Variants in SCAPER observed in about 807,000 individuals in gnomAD.
SCAPER encodes S phase cyclin A-associated protein in the endoplasmic reticulum.
In SCAPER, 98 loss-of-function variants were observed where a neutral mutation model predicts 182.2. The ratio of observed to expected loss-of-function variants is 0.54; its 90% CI spans 0.46 to 0.64. The LOEUF is 0.64. Ranked by LOEUF, SCAPER falls within the 30% of genes least tolerant of loss-of-function variation. The pLI, the probability that SCAPER is intolerant of heterozygous loss-of-function variation, is 0.00. For synonymous variants in SCAPER, 605 were observed against 564.6 expected, an observed-to-expected ratio of 1.07 and a Z score of -1.01; for missense variants, 1,432 against 1,690.0, an observed-to-expected ratio of 0.85 and a Z score of 2.68.
rs148624942 is a variant in SCAPER, at chr15:76,646,517, A to G, written c.2645+19136T>C. On this transcript the variant is annotated intron_variant, in intron 21 of 31. Coordinates refer to ENST00000563290, the MANE Select transcript of SCAPER (RefSeq NM_020843.4). The stretch of plus-strand genomic sequence containing the variant: ...CTACCTCTACACAAACTGCAGCTCA[A>G]TGGCAATATATTACACAAATCTAGT... 4.6e-5 allele frequency among the ~76,000 whole-genome samples: 7 copies of G among 152,260 alleles called. No homozygotes were observed. In the East Asian group the frequency reaches 1.4e-3, roughly 29 times the overall value.
chr15:76,529,354 G>T (rs1027953266), intron 23 of SCAPER, among the ~76,000 whole-genome samples: 2 of 152,154 alleles, frequency 1.3e-5, no homozygotes, highest in African/African-American at 4.8e-5. Context: ...CCAGAACTTT[G>T]TATTTAACTT....
At chr15:76,386,266 G>A (rs2043281260) in intron 27 of SCAPER, among the ~76,000 whole-genome samples, 2 of 152,194 alleles carry the variant, frequency 1.3e-5, no homozygotes, top group South Asian at 4.1e-4. Context: ...CTTAAGCCAA[G>A]CAAGGTAATA....
At chr15:76,784,924 A>T (rs1212498500) in intron 8 of SCAPER, among the ~76,000 whole-genome samples, 1 of 152,210 alleles carries the variant, frequency 6.6e-6, no homozygotes, top group Non-Finnish European at 1.5e-5. Flanking sequence ...AACCATAAAA[A>T]CTCTAGAAGA....
chr15:76,541,751 T>A (rs1194922964), intron 23 of SCAPER, among the ~76,000 whole-genome samples: 9 of 152,198 alleles, frequency 5.9e-5, no homozygotes, highest in Admixed American at 5.9e-4. Flanking sequence ...AATACTCCAA[T>A]GAGGGCTTGC....
At chr15:76,769,468 G>C (rs1452683307) in intron 10 of SCAPER, among the ~76,000 whole-genome samples, 11 of 147,128 alleles carry the variant, frequency 7.5e-5, no homozygotes, top group African/African-American at 2.7e-4. Flanking sequence ...AAAAAAGAGA[G>C]TGAAAGAAAA....
chr15:76,643,729 C>T (rs905192166), intron 21 of SCAPER, among the ~76,000 whole-genome samples: 2 of 152,108 alleles, frequency 1.3e-5, no homozygotes, highest in East Asian at 3.8e-4. Flanking sequence ...CTAAGCTATC[C>T]TCATTTGTAA....
intron 17 of SCAPER, among the ~76,000 whole-genome samples, chr15:76,713,323 T>C (rs1374268186): frequency 3.3e-5 from 5 of 152,002 alleles, no homozygotes; most frequent in Non-Finnish European, 7.4e-5. Context: ...TAAAGACACA[T>C]GCACACATAT....
intron 23 of SCAPER, among the ~76,000 whole-genome samples, chr15:76,510,184 A>G (rs2041909043): frequency 6.6e-6 from 1 of 152,222 alleles, no homozygotes; most frequent in African/African-American, 2.4e-5. Context: ...TTCATGACCA[A>G]GAACCCAAAA....
chr15:76,885,967 A>T (rs976476459), intron 1 of SCAPER, among the ~76,000 whole-genome samples: 1 of 152,222 alleles, frequency 6.6e-6, no homozygotes. Flanking sequence ...TAAACATATA[A>T]GTGCAGGTAT....
At position 76,363,387 on chromosome 15, in the gene SCAPER, T is replaced by C. The variant is rs759978796; in HGVS notation, c.3856-9247A>G. On this transcript the variant is annotated intron_variant, in intron 29 of 31. Coordinates refer to ENST00000563290, the MANE Select transcript of SCAPER (RefSeq NM_020843.4). ...GGACTCAGATAACACCATCTTTCTA[T>C]GTGTGAGAACAGTTAGCTGAGTATT... Among the ~76,000 whole-genome samples, 15 of 152,304 alleles carry C rather than the reference T, an allele frequency of 9.8e-5. No individual in the cohort carries two copies. In the Middle Eastern group the frequency reaches 0.014, roughly 138 times the overall value.
chr15:76,714,392 C>T lies in SCAPER; in HGVS notation c.2166-8408G>A, dbSNP rs75736080. Among the ~76,000 whole-genome samples, 803 of 152,224 alleles carry T rather than the reference C, an allele frequency of 5.3e-3. 6 individuals carry two copies. Among genetic ancestry groups the T allele is most frequent in the African/African-American group, 0.019 (776 of 41,544 alleles). ...AGCAAGGTTGTGGAGCATCTGAATA[C>T]AGAAACCATTACATTACTAAACAAT... On this transcript the variant is annotated intron_variant, in intron 17 of 31. Coordinates refer to ENST00000563290, the MANE Select transcript of SCAPER (RefSeq NM_020843.4).
At chr15:76,366,317 G>T (rs1440196968) in intron 29 of SCAPER, among the ~76,000 whole-genome samples, 1 of 152,156 alleles carries the variant, frequency 6.6e-6, no homozygotes, top group African/African-American at 2.4e-5. Flanking sequence ...GAACAGGAGG[G>T]TTAATAAATG....
rs1410811987 is a variant in SCAPER at position 76,652,495 on chromosome 15, A to G, written c.2645+13158T>C. On this transcript the variant is annotated intron_variant, in intron 21 of 31. Coordinates refer to ENST00000563290, the MANE Select transcript of SCAPER (RefSeq NM_020843.4). ...GGTGAACCCCGTGTCTTTGCTAAAT[A>G]TATATATATATATTTACATACATAC... Among the ~76,000 whole-genome samples the G allele has an allele frequency of 6.4e-5, 7 of 110,026 alleles. No individual in the cohort carries two copies. In the South Asian group the frequency reaches 1.9e-3, roughly 30 times the overall value. The allele number at this position is 110,026 out of a possible 152,430, so 72.2% of individuals were successfully genotyped here. A position where few individuals can be genotyped will look rare whatever the true frequency, so the allele number is the denominator to read the frequency against.
intron 24 of SCAPER, among the ~76,000 whole-genome samples, chr15:76,504,179 C>A (rs1463313731): frequency 6.6e-6 from 1 of 152,058 alleles, no homozygotes; most frequent in South Asian, 2.1e-4. Context: ...TGAGCCATTG[C>A]GCCCTGCCTA....
chr15:76,585,275 A>C (rs528451696), intron 22 of SCAPER, among the ~76,000 whole-genome samples: 5 of 152,330 alleles, frequency 3.3e-5, no homozygotes, highest in African/African-American at 1.2e-4. Context: ...GACTATTATT[A>C]CTGTTCACTG....
rs2058855949 is a variant in SCAPER, at chr15:76,700,073, C to T, written c.2508+1685G>A. On this transcript the variant is annotated intron_variant, in intron 20 of 31. Transcript: ENST00000563290. ...CGGTGGCAGCCACCTGGAAGCACCT[C>T]GTTTGGGCATCCAAGTCCGCACTGC... 4.6e-5 allele frequency among the ~76,000 whole-genome samples: 7 copies of T among 152,142 alleles called. No homozygotes were observed. The South Asian group carries it at 1.5e-3, about 32-fold the overall frequency.
chr15:76,658,614 C>A (rs975124203), intron 21 of SCAPER, among the ~76,000 whole-genome samples: 1 of 152,022 alleles, frequency 6.6e-6, no homozygotes, highest in East Asian at 1.9e-4. Flanking sequence ...AGCAATCCTA[C>A]GTAAAAGAAC....
At chr15:76,527,034 G>T (rs182801648) in intron 23 of SCAPER, among the ~76,000 whole-genome samples, 2 of 151,796 alleles carry the variant, frequency 1.3e-5, no homozygotes, top group Non-Finnish European at 2.9e-5. Flanking sequence ...ACCATGACTG[G>T]CTAATTTTTT....
At chr15:76,532,844 G>A (rs955718707) in intron 23 of SCAPER, among the ~76,000 whole-genome samples, 10 of 152,140 alleles carry the variant, frequency 6.6e-5, no homozygotes, top group Admixed American at 4.6e-4. Context: ...GCCTTTGGGA[G>A]GTGGGAAGTG....
Sources: allele counts gnomAD v4.1 joint callset (sites outside exome capture counted in the v4.1 genomes callset), GRCh38; gene constraint gnomAD v4.1.1; transcripts MANE v1.5; gene names NCBI Gene and HGNC (gene_info 2026-07-23, HGNC 2026-07-21).